The following LRRIQ1 variants were observed in gnomAD, a reference collection of about 807,000 sequenced individuals.
The protein encoded by LRRIQ1 is leucine rich repeats and IQ motif containing 1.
Under a neutral mutation model 211.9 loss-of-function variants are expected in LRRIQ1, and 210 were observed. The observed-to-expected ratio is 0.99, with a 90% CI of 0.89 to 1.11. The LOEUF is 1.11. LRRIQ1 is among the 50% of genes most tolerant of loss of function. The probability of loss-of-function intolerance (pLI) is 0.00; values close to 1 mark genes in which losing one functional copy is unlikely to be tolerated. For synonymous variants in LRRIQ1, 699 were observed against 650.1 expected, an observed-to-expected ratio of 1.08 and a Z score of -1.14; for missense variants, 2,136 against 1,939.5, an observed-to-expected ratio of 1.10 and a Z score of -1.90.
At position 85,152,300 on chromosome 12, in the gene LRRIQ1, G is replaced by A; in HGVS notation, c.4350G>A (p.Trp1450Ter). The A allele has an allele frequency of 6.2e-7, 1 of 1,610,564 alleles. No individual in the cohort carries two copies. ...TGCAGGCTGCCTTAGAAGAAGAATGGCTAGCATTAGATTCCACCCGCTTCC... is the reference window on the plus strand; with the variant it reads ...TGCAGGCTGCCTTAGAAGAAGAATGACTAGCATTAGATTCCACCCGCTTCC... ...IFDEAALEEE[W>*]LALDSTRFPS... The change falls in exon 20 of 27, where the codon TGG becomes TGA. Residue 1450 changes from tryptophan (W) to a stop codon, truncating the protein, a stop_gained. Coordinates refer to ENST00000393217, the MANE Select transcript of LRRIQ1 (RefSeq NM_001079910.2). LOFTEE classifies it high-confidence loss of function.
At chr12:85,131,553 A>G (rs1888764722) in intron 18 of LRRIQ1, among the ~76,000 whole-genome samples, 2 of 152,286 alleles carry the variant, frequency 1.3e-5, no homozygotes, top group Admixed American at 1.3e-4. Flanking sequence ...GGTATAAAGG[A>G]CAGTGTAAGT....
intron 12 of LRRIQ1, 32 bp from the exon 13 acceptor site, chr12:85,098,835 A>C: frequency 6.9e-7 from 1 of 1,450,558 alleles, no homozygotes; most frequent in Non-Finnish European, 9.3e-7. Context: ...TATTTTGCTT[A>C]ATATAAACTA....
chr12:85,193,720 G>A (rs1892726517), intron 24 of LRRIQ1, among the ~76,000 whole-genome samples: 1 of 151,824 alleles, frequency 6.6e-6, no homozygotes, highest in Non-Finnish European at 1.5e-5. Context: ...GCAAAATCAT[G>A]CCAAATTGTA....
At chr12:85,139,602 C>A (rs1889375728) in intron 19 of LRRIQ1, among the ~76,000 whole-genome samples, 1 of 151,256 alleles carries the variant, frequency 6.6e-6, no homozygotes, top group South Asian at 2.1e-4. Context: ...TTTTTTCTAT[C>A]AAACGTAATT....
At chr12:85,221,285 AC>A (rs1298634246) in intron 24 of LRRIQ1, among the ~76,000 whole-genome samples, 2 of 152,140 alleles carry the variant, frequency 1.3e-5, no homozygotes, top group Admixed American at 1.3e-4. Flanking sequence ...TTCTAGTTCT[AC>A]TTTTCTCAGG....
At chr12:85,145,801 G>A (rs997864220) in intron 19 of LRRIQ1, among the ~76,000 whole-genome samples, 4 of 151,718 alleles carry the variant, frequency 2.6e-5, no homozygotes, top group African/African-American at 9.7e-5. Flanking sequence ...GGGAAACACA[G>A]TCTCTGCCTT....
intron 11 of LRRIQ1, among the ~76,000 whole-genome samples, chr12:85,078,188 CCT>C (rs1883879668): frequency 6.6e-6 from 1 of 151,950 alleles, no homozygotes; most frequent in African/African-American, 2.4e-5. Flanking sequence ...CTCTCTGAAG[CCT>C]TATTTGGTCA....
chr12:85,082,952 C>T (rs1314627197), intron 11 of LRRIQ1, among the ~76,000 whole-genome samples: 7 of 152,100 alleles, frequency 4.6e-5, no homozygotes, highest in African/African-American at 7.2e-5. Flanking sequence ...TTTCTAGTGG[C>T]GGTTTTCTGA....
At chr12:85,039,808 T>A (rs1592680185) in intron 2 of LRRIQ1, among the ~76,000 whole-genome samples, 1 of 151,662 alleles carries the variant, frequency 6.6e-6, no homozygotes, top group African/African-American at 2.4e-5. Flanking sequence ...CATGTAGATA[T>A]ATGTAACTTC....
In LRRIQ1 at chr12:85,144,553, G is replaced by A. The variant is rs192267191; in HGVS notation, c.4329+6584G>A. 5.3e-3 allele frequency among the ~76,000 whole-genome samples: 808 copies of A among 151,490 alleles called. 5 individuals carry two copies. Among genetic ancestry groups the A allele is most frequent in the Non-Finnish European group, 8.8e-3 (592 of 67,618 alleles). ...TATAAACAAAACAGTATACTATTTT[G>A]GGCTAAGTGTCAGGCAAGTATGTAA... On this transcript the variant is annotated intron_variant, in intron 19 of 26. Coordinates refer to ENST00000393217, the MANE Select transcript of LRRIQ1 (RefSeq NM_001079910.2).
intron 15 of LRRIQ1, 48 bp from the exon 16 acceptor site, chr12:85,121,649 T>G: frequency 7.4e-7 from 1 of 1,355,840 alleles, no homozygotes; most frequent in South Asian, 1.6e-5. Context: ...AGATACATAC[T>G]CTCCTTATCA....
intron 19 of LRRIQ1, among the ~76,000 whole-genome samples, chr12:85,142,851 A>T (rs181883369): frequency 6.6e-6 from 1 of 151,566 alleles, no homozygotes; most frequent in Non-Finnish European, 1.5e-5. Context: ...TTCTTTGTTC[A>T]TGTATCCATT....
In LRRIQ1 at chr12:85,153,121, C is replaced by T. The variant is rs1303285662; in HGVS notation, c.4517C>T (p.Ser1506Leu). 1 of 1,587,000 alleles carries T rather than the reference C, an allele frequency of 6.3e-7. No individual in the cohort carries two copies. The highest frequency in any genetic ancestry group is 1.4e-5 in the African/African-American group (1 of 73,460). ...LCNDKENLSS[S>L]EHTQFNSRSE... The stretch of plus-strand genomic sequence containing the variant: ...AATGACAAAGAAAATTTGTCTTCTT[C>T]AGAACACACACAATTTAATAGCAGG... Residue 1506 changes from serine (S) to leucine (L), a missense_variant, in exon 21 of 27, where the codon TCA (serine) becomes TTA (leucine). Physicochemically the swap from Ser to Leu is moderately radical, Grantham distance 145. Transcript: ENST00000393217.
intron 21 of LRRIQ1, 79 bp downstream of exon 21, chr12:85,153,224 T>G: frequency 7.9e-7 from 1 of 1,266,470 alleles, no homozygotes; most frequent in Middle Eastern, 2.0e-4. Context: ...AGTACAATTA[T>G]AAAACTAGAT....
At chr12:85,172,677 A>G (rs1356250137) in intron 24 of LRRIQ1, among the ~76,000 whole-genome samples, 4 of 152,190 alleles carry the variant, frequency 2.6e-5, no homozygotes. Flanking sequence ...TTTTTAGGCT[A>G]GAAAGTAAAT....
rs1247588266 is a variant in LRRIQ1 at position 85,250,228 on chromosome 12, G to A, written c.121+5319G>A. ...GTAAGAGGAAGGCTTTACCGACAAA[G>A]AAGCAGGGTAGAAGATTGCCTATTT... is the stretch of plus-strand genomic sequence containing the variant. On this transcript the variant is annotated intron_variant, in intron 1 of 1. Coordinates refer to the LRRIQ1 transcript ENST00000602731. 3.3e-5 allele frequency among the ~76,000 whole-genome samples: 5 copies of A among 151,990 alleles called. No individual in the cohort carries two copies. In the East Asian group the frequency reaches 9.7e-4, roughly 29 times the overall value.
intron 1 of LRRIQ1, among the ~76,000 whole-genome samples, chr12:85,257,183 A>AG (rs1896139751): frequency 1.2e-5 from 1 of 81,980 alleles, no homozygotes; most frequent in African/African-American, 9.4e-5. Context: ...TTATGTATTA[A>AG]TTATATATTA....
chr12:85,108,345 C>G (rs892628466), intron 15 of LRRIQ1, among the ~76,000 whole-genome samples: 2 of 152,058 alleles, frequency 1.3e-5, no homozygotes, highest in African/African-American at 2.4e-5. Context: ...ACAGGCTGGT[C>G]TCGAACTCCT....
chr12:85,085,903 A>G (rs1233104849), intron 11 of LRRIQ1, among the ~76,000 whole-genome samples: 1 of 152,198 alleles, frequency 6.6e-6, no homozygotes, highest in African/African-American at 2.4e-5. Flanking sequence ...TGAACATACA[A>G]GTGCAGATAT....
Sources: gnomAD v4.1 joint callset for allele counts (sites outside exome capture counted in the v4.1 genomes callset) on GRCh38, gnomAD v4.1.1 for gene constraint, MANE v1.5 for transcripts, NCBI Gene and HGNC (gene_info 2026-07-23, HGNC 2026-07-21) for gene names.